SPAST: variants seen among roughly 807,000 people sequenced by gnomAD.
The protein encoded by SPAST is spastin.
SPAST carries 30 observed loss-of-function variants against 76.6 expected under a neutral mutation model. That is an observed-to-expected ratio of 0.39 (90% CI 0.29 to 0.53). The LOEUF is 0.53. Ranked by LOEUF, SPAST falls within the 20% of genes least tolerant of loss-of-function variation. The pLI is 0.68. For missense variants in SPAST, 717 were observed against 770.5 expected, an observed-to-expected ratio of 0.93 and a Z score of 0.82; for synonymous variants, 305 against 281.0, an observed-to-expected ratio of 1.09 and a Z score of -0.86.
At chr2:32,133,987 G>T (rs1679453362) in intron 9 of SPAST, among the ~76,000 whole-genome samples, 1 of 152,030 alleles carries the variant, frequency 6.6e-6, no homozygotes, top group Non-Finnish European at 1.5e-5. Flanking sequence ...CTGTTTTTCT[G>T]ATCACATTTT....
At chr2:32,065,521 G>T (rs1023817588) in intron 1 of SPAST, among the ~76,000 whole-genome samples, 1 of 152,140 alleles carries the variant, frequency 6.6e-6, no homozygotes, top group Admixed American at 6.6e-5. Context: ...GATAAAGGAG[G>T]TTATTCCAAA....
At chr2:32,095,231 T>C (rs1030469958) in intron 3 of SPAST, among the ~76,000 whole-genome samples, 1 of 152,166 alleles carries the variant, frequency 6.6e-6, no homozygotes, top group Non-Finnish European at 1.5e-5. Context: ...GATAAAATGG[T>C]CCTCTCTTTA....
chr2:32,114,512 A>G (rs1678747019), intron 4 of SPAST, 126 bp from the exon 5 acceptor site: 2 of 758,378 alleles, frequency 2.6e-6, no homozygotes, highest in African/African-American at 1.8e-5. Context: ...GTTCTCATTG[A>G]AATCTTATTT....
rs1395055441 is a variant in SPAST, at chr2:32,142,351, G to A, written c.1536+405G>A. On this transcript the variant is annotated intron_variant, in intron 13 of 16. Transcript: ENST00000315285. Reference sequence around the variant, plus strand: ...CTCCAAAACATTATAAGTGAAAGAAGCAAGATGATATATGTCGCATATCAT... The same window carrying A: ...CTCCAAAACATTATAAGTGAAAGAAACAAGATGATATATGTCGCATATCAT... Among the ~76,000 whole-genome samples, 3 of 152,326 alleles carry A rather than the reference G, an allele frequency of 2.0e-5. No individual in the cohort carries two copies. In the East Asian group the frequency reaches 5.8e-4, roughly 29 times the overall value.
chr2:32,108,183 T>A (rs777116691), intron 4 of SPAST, among the ~76,000 whole-genome samples: 1 of 152,124 alleles, frequency 6.6e-6, no homozygotes, highest in Non-Finnish European at 1.5e-5. Context: ...GAAATCTAAG[T>A]AGATGATATA....
At chr2:32,150,703 G>A (rs1425539835) in intron 16 of SPAST, among the ~76,000 whole-genome samples, 1 of 151,920 alleles carries the variant, frequency 6.6e-6, no homozygotes, top group Non-Finnish European at 1.5e-5. Flanking sequence ...AAAATGCTGG[G>A]ATTACAGGTG....
In SPAST at chr2:32,111,801, C is replaced by T. The variant is rs1301244670; in HGVS notation, c.683-2837C>T. Among the ~76,000 whole-genome samples the T allele has an allele frequency of 2.0e-5, 3 of 151,530 alleles. No individual in the cohort carries two copies. The East Asian group carries it at 5.8e-4, about 29-fold the overall frequency. On this transcript the variant is annotated intron_variant, in intron 4 of 16. Transcript: ENST00000315285. ...ATGTGACAGGTCACTTTTCTCACCT[C>T]AACATTTTGGACATACCTCATTTCC...
chr2:32,118,845 T>A (rs544176343), intron 7 of SPAST, among the ~76,000 whole-genome samples: 29 of 152,330 alleles, frequency 1.9e-4, no homozygotes, highest in African/African-American at 7.0e-4. Flanking sequence ...CAAGGAAATA[T>A]TTAGGCTATG....
intron 4 of SPAST, among the ~76,000 whole-genome samples, chr2:32,113,409 C>G (rs1028084555): frequency 5.9e-5 from 9 of 151,600 alleles, no homozygotes; most frequent in African/African-American, 2.2e-4. Context: ...TTTTAAGACC[C>G]TCTTGGTGGG....
At chr2:32,075,673 A>C (rs1266213011) in intron 1 of SPAST, among the ~76,000 whole-genome samples, 1 of 136,834 alleles carries the variant, frequency 7.3e-6, no homozygotes, top group Non-Finnish European at 1.6e-5. Context: ...CCTCAGCCTC[A>C]CAAGTAGATG....
In SPAST at chr2:32,115,736, C is replaced by G; in HGVS notation, c.905C>G (p.Ser302Cys). 1 of 1,611,156 alleles carries G rather than the reference C, an allele frequency of 6.2e-7. No individual in the cohort carries two copies. Among genetic ancestry groups the G allele is most frequent in the Non-Finnish European group, 8.5e-7 (1 of 1,177,702 alleles). Residue 302 changes from serine (S) to cysteine (C), a missense_variant, in exon 6 of 17, where the codon TCT becomes TGT. Ser to Cys is a moderately radical substitution (Grantham distance 112, BLOSUM62 -1). Transcript: ENST00000315285. Reference sequence around the variant, plus strand: ...AAAACAAATAGGACAAATAAACCTTCTACCCCTACAACTGCTACTCGTAAG... The same window carrying G: ...AAAACAAATAGGACAAATAAACCTTGTACCCCTACAACTGCTACTCGTAAG... ...TPKTNRTNKP[S>C]TPTTATRKKK...
intron 4 of SPAST, among the ~76,000 whole-genome samples, chr2:32,110,633 G>GTAGTATATATAGTATATA (rs893632952): frequency 1.5e-5 from 2 of 130,330 alleles, no homozygotes; most frequent in Non-Finnish European, 1.6e-5. Context: ...TATAGTATAT[G>GTAGTATATATAGTATATA]TAGTATATAT....
intron 12 of SPAST, among the ~76,000 whole-genome samples, chr2:32,138,758 T>G (rs994060995): frequency 7.2e-5 from 11 of 152,206 alleles, no homozygotes; most frequent in African/African-American, 1.2e-4. Context: ...AGAAGTGTAT[T>G]TCCTAGTTTT....
chr2:32,098,027 G>A (rs1257040637), intron 3 of SPAST, among the ~76,000 whole-genome samples: 1 of 151,756 alleles, frequency 6.6e-6, no homozygotes, highest in Non-Finnish European at 1.5e-5. Context: ...TCAAATTCTA[G>A]CCAGTTCATA....
rs1677576610 is a variant in SPAST, at chr2:32,088,372, C to T, written c.502+794C>T. On this transcript the variant is annotated intron_variant, in intron 2 of 16. Transcript: ENST00000315285. ...TTAATAAATGTATTTGGGCCAGGCACAGTGGCTCATGCCTGTAATCCCAGC... is the reference window on the plus strand; with the variant it reads ...TTAATAAATGTATTTGGGCCAGGCATAGTGGCTCATGCCTGTAATCCCAGC... Among the ~76,000 whole-genome samples, 8 of 152,134 alleles carry T rather than the reference C, an allele frequency of 5.3e-5. No individual in the cohort carries two copies. In the South Asian group the frequency reaches 1.7e-3, roughly 32 times the overall value.
chr2:32,138,192 G>C (rs1321608981), intron 12 of SPAST, among the ~76,000 whole-genome samples: 1 of 152,134 alleles, frequency 6.6e-6, no homozygotes, highest in South Asian at 2.1e-4. Flanking sequence ...TGGGATTTCA[G>C]GGTCAAAGGT....
intron 12 of SPAST, among the ~76,000 whole-genome samples, chr2:32,141,255 TATAAAG>T (rs1374546546): frequency 5.3e-5 from 8 of 152,266 alleles, no homozygotes; most frequent in Non-Finnish European, 7.3e-5. Flanking sequence ...GATGCCTTCT[TATAAAG>T]ATAATTCGTC....
rs540903135 is a variant in SPAST at position 32,147,246 on chromosome 2, G to C, written c.1716G>C (p.Met572Ile). The change falls in exon 16 of 17, where the codon ATG (methionine) becomes ATC (isoleucine). Residue 572 changes from methionine to isoleucine, a missense_variant. By Grantham distance (10) the Met-to-Ile change is conservative. Transcript: ENST00000315285. ...TAAAACCAGAACAGGTGAAGAATATGTCTGCCAGTGAGGTATAGTATTTTA... is the reference window on the plus strand; with the variant it reads ...TAAAACCAGAACAGGTGAAGAATATCTCTGCCAGTGAGGTATAGTATTTTA... Reference protein sequence around the residue: ...RELKPEQVKNMSASEMRNIRL... With the variant: ...RELKPEQVKNISASEMRNIRL... 5 of 1,602,508 alleles carry C rather than the reference G, an allele frequency of 3.1e-6. No homozygotes were observed. In the East Asian group the frequency reaches 6.7e-5, roughly 22 times the overall value.
intron 1 of SPAST, among the ~76,000 whole-genome samples, chr2:32,075,859 C>CTTTT (rs56708982): frequency 1.2e-5 from 1 of 82,380 alleles, no homozygotes; most frequent in Non-Finnish European, 2.2e-5. Flanking sequence ...AGACTCCTGG[C>CTTTT]TTTTTTTTTT....
Sources: gnomAD v4.1 joint callset for allele counts (sites outside exome capture counted in the v4.1 genomes callset) on GRCh38, gnomAD v4.1.1 for gene constraint, MANE v1.5 for transcripts, NCBI Gene and HGNC (gene_info 2026-07-23, HGNC 2026-07-21) for gene names.